The following XIRP2 variants were observed in gnomAD, a reference collection of about 807,000 sequenced individuals.
XIRP2 encodes xin actin binding repeat containing 2, also known as xin actin-binding repeat-containing protein 2.
In XIRP2, 236 loss-of-function variants were observed where a neutral mutation model predicts 277.0. The ratio of observed to expected loss-of-function variants is 0.85; its 90% CI spans 0.77 to 0.95. The LOEUF (loss-of-function observed/expected upper bound fraction) is 0.95. XIRP2 is among the 40% of genes least tolerant of loss of function. The pLI, the probability that XIRP2 is intolerant of heterozygous loss-of-function variation, is 0.00. For missense variants in XIRP2, 4,640 were observed against 4,157.5 expected (o/e 1.12, Z -3.19); for synonymous variants, 1,490 against 1,416.5 (o/e 1.05, Z -1.17).
intron 2 of XIRP2, among the ~76,000 whole-genome samples, chr2:166,959,265 C>G (rs1420050237): frequency 1.3e-5 from 2 of 151,730 alleles, no homozygotes; most frequent in African/African-American, 4.8e-5. Context: ...CTGATCAAAC[C>G]CTGAAAAGCT....
At position 167,245,043 on chromosome 2, in the gene XIRP2, G is replaced by C. The variant is rs1695205793; in HGVS notation, c.3651G>C (p.Glu1217Asp). 6.2e-7 allele frequency: 1 copy of C among 1,612,078 alleles called. No individual in the cohort carries two copies. Among genetic ancestry groups the C allele is most frequent in the Non-Finnish European group, 8.5e-7 (1 of 1,179,406 alleles). The change falls in exon 9 of 11, where the codon GAG (glutamate) becomes GAC (aspartate). Residue 1217 changes from glutamate to aspartate, a missense_variant. Coordinates refer to ENST00000409195, the MANE Select transcript of XIRP2 (RefSeq NM_152381.6). Reference sequence around the variant, plus strand: ...TAGATTCTATAAGTTCTAGTTCAGAGGAAGTTTTGAAAAAGATCAAAACCT... The same window carrying C: ...TAGATTCTATAAGTTCTAGTTCAGACGAAGTTTTGAAAAAGATCAAAACCT... ...QSLDSISSSS[E>D]EVLKKIKTLK... is the part of the protein sequence containing the mutation.
At chr2:166,928,983 T>A (rs1685258296) in intron 2 of XIRP2, among the ~76,000 whole-genome samples, 1 of 152,118 alleles carries the variant, frequency 6.6e-6, no homozygotes, top group African/African-American at 2.4e-5. Context: ...GAATAAAGTT[T>A]GCCTCACTTC....
intron 3 of XIRP2, among the ~76,000 whole-genome samples, chr2:167,156,337 G>T (rs772336136): frequency 6.6e-6 from 1 of 152,098 alleles, no homozygotes; most frequent in Non-Finnish European, 1.5e-5. Context: ...AACCGCTTAG[G>T]CATGTTGTGG....
intron 2 of XIRP2, among the ~76,000 whole-genome samples, chr2:166,914,733 C>A (rs1417421317): frequency 6.6e-6 from 1 of 152,102 alleles, no homozygotes; most frequent in Admixed American, 6.5e-5. Context: ...GTCTTTTAAA[C>A]ATTGTTTAAA....
intron 1 of XIRP2, among the ~76,000 whole-genome samples, chr2:166,892,838 T>C (rs1481599927): frequency 2.7e-5 from 4 of 148,544 alleles, no homozygotes; most frequent in Admixed American, 1.4e-4. Flanking sequence ...ACTTCTATGA[T>C]ATGTTATAAT....
intron 1 of XIRP2, among the ~76,000 whole-genome samples, chr2:166,896,635 A>G (rs1340646846): frequency 6.6e-6 from 1 of 152,108 alleles, no homozygotes; most frequent in African/African-American, 2.4e-5. Context: ...TAAAGTAACA[A>G]AGCTATAGTA....
At chr2:167,043,750 C>A (rs986671790) in intron 2 of XIRP2, among the ~76,000 whole-genome samples, 1 of 152,002 alleles carries the variant, frequency 6.6e-6, no homozygotes, top group African/African-American at 2.4e-5. Flanking sequence ...CAGCCAAATT[C>A]TACCAGATAT....
At chr2:166,951,140 C>T (rs1334949756) in intron 2 of XIRP2, among the ~76,000 whole-genome samples, 1 of 152,028 alleles carries the variant, frequency 6.6e-6, no homozygotes, top group Non-Finnish European at 1.5e-5. Context: ...CAGTTTTAAA[C>T]ATAAATATGC....
In XIRP2 at chr2:167,247,143, T is replaced by C; in HGVS notation, c.5751T>C (p.Leu1917=). 1 of 1,613,606 alleles carries C rather than the reference T, an allele frequency of 6.2e-7. No homozygotes were observed. Among genetic ancestry groups the C allele is most frequent in the South Asian group, 1.1e-5 (1 of 91,048 alleles). The stretch of plus-strand genomic sequence containing the variant: ...AGACAGAAATTCTGAAAAAGGAGCT[T>C]CTCAAAGATGACCTGGAAACATCAC... ...NTKTEILKKE[L]LKDDLETSLR... is the part of the protein sequence containing the mutation. Residue 1917 remains leucine, a synonymous_variant, in exon 9 of 11, where the codon CTT becomes CTC. Transcript: ENST00000409195.
chr2:167,100,627 A>G (rs192839224), intron 2 of XIRP2, among the ~76,000 whole-genome samples: 48 of 152,316 alleles, frequency 3.2e-4, no homozygotes, highest in African/African-American at 1.1e-3. Flanking sequence ...GGGACTAAGC[A>G]TATGTTGCGT....
At chr2:167,221,385 G>A (rs1200717761) in intron 5 of XIRP2, among the ~76,000 whole-genome samples, 4 of 150,732 alleles carry the variant, frequency 2.7e-5, no homozygotes, top group East Asian at 2.0e-4. Flanking sequence ...GCTTGAGCCC[G>A]GGAGGTGAAG....
chr2:166,935,586 T>C (rs1436147462), intron 2 of XIRP2, among the ~76,000 whole-genome samples: 1 of 152,110 alleles, frequency 6.6e-6, no homozygotes, highest in Admixed American at 6.6e-5. Flanking sequence ...TGATAGGCCC[T>C]GGTGTGTGAT....
At chr2:167,201,262 G>GAAAGAA (rs1186847570) in intron 3 of XIRP2, among the ~76,000 whole-genome samples, 3 of 95,648 alleles carry the variant, frequency 3.1e-5, no homozygotes, top group African/African-American at 2.3e-4. Context: ...AAGAAAGAAA[G>GAAAGAA]AGAGAGGGAG....
chr2:167,182,813 G>GA (rs1693053539), intron 3 of XIRP2, among the ~76,000 whole-genome samples: 2 of 152,014 alleles, frequency 1.3e-5, no homozygotes, highest in South Asian at 4.2e-4. Flanking sequence ...TCTCTTAAAG[G>GA]AAAATTAAAG....
At chr2:167,215,303 C>T (rs1300226799) in intron 4 of XIRP2, among the ~76,000 whole-genome samples, 2 of 152,106 alleles carry the variant, frequency 1.3e-5, no homozygotes, top group Non-Finnish European at 2.9e-5. Flanking sequence ...GAATTTGATA[C>T]AATATATACC....
intron 5 of XIRP2, among the ~76,000 whole-genome samples, chr2:167,233,733 T>A (rs1036118573): frequency 6.6e-6 from 1 of 151,808 alleles, no homozygotes; most frequent in Non-Finnish European, 1.5e-5. Context: ...ACTTTTTATC[T>A]GTAATTTCAT....
chr2:167,061,522 T>C (rs984940522), intron 2 of XIRP2, among the ~76,000 whole-genome samples: 3 of 152,124 alleles, frequency 2.0e-5, no homozygotes, highest in African/African-American at 4.8e-5. Flanking sequence ...GTAGATTGAA[T>C]TGTGTCTTCT....
chr2:167,036,277 C>T (rs1183382990), intron 2 of XIRP2, among the ~76,000 whole-genome samples: 1 of 152,134 alleles, frequency 6.6e-6, no homozygotes, highest in Non-Finnish European at 1.5e-5. Flanking sequence ...CCTGGAAAAG[C>T]TGCAGTCATT....
intron 2 of XIRP2, among the ~76,000 whole-genome samples, chr2:167,123,128 C>T (rs116201365): frequency 0.014 from 2,188 of 152,268 alleles, 19 homozygotes; most frequent in Non-Finnish European, 0.021. Flanking sequence ...AAATGTTTGC[C>T]TGTGGCTTGT....
Sources: gnomAD v4.1 joint callset for allele counts (sites outside exome capture counted in the v4.1 genomes callset) on GRCh38, gnomAD v4.1.1 for gene constraint, MANE v1.5 for transcripts, NCBI Gene and HGNC (gene_info 2026-07-23, HGNC 2026-07-21) for gene names.